Variants in NECTIN3 observed in about 807,000 individuals in gnomAD.
NECTIN3 encodes the protein nectin-3.
NECTIN3 carries 8 observed loss-of-function variants against 49.4 expected under a neutral mutation model. The ratio of observed to expected loss-of-function variants is 0.16; its 90% CI spans 0.10 to 0.29. The LOEUF (loss-of-function observed/expected upper bound fraction) is 0.29. Ranked by LOEUF, NECTIN3 falls within the 10% of genes least tolerant of loss-of-function variation. The probability of loss-of-function intolerance (pLI) is 1.00; values close to 1 mark genes in which losing one functional copy is unlikely to be tolerated. For missense variants in NECTIN3, 581 were observed against 654.6 expected, an observed-to-expected ratio of 0.89 and a Z score of 1.23; for synonymous variants, 277 against 241.1, an observed-to-expected ratio of 1.15 and a Z score of -1.38.
intron 1 of NECTIN3, chr3:111,072,500 T>A (rs2030850473): frequency 6.5e-7 from 1 of 1,535,768 alleles, no homozygotes; most frequent in African/African-American, 1.4e-5. Context: ...GCTCATTCTC[T>A]GGGAACCCTC....
chr3:111,106,943 G>A (rs1332709625), intron 1 of NECTIN3, among the ~76,000 whole-genome samples: 2 of 152,072 alleles, frequency 1.3e-5, no homozygotes, highest in Non-Finnish European at 2.9e-5. Flanking sequence ...GTGAAATGTG[G>A]TAAAAGATAG....
chr3:111,073,994 T>G (rs746066026), intron 1 of NECTIN3, among the ~76,000 whole-genome samples: 3 of 152,280 alleles, frequency 2.0e-5, no homozygotes, highest in Non-Finnish European at 4.4e-5. Context: ...TGTAGGCAAA[T>G]GGACTGTGTT....
At chr3:111,108,396 G>T (rs970379414) in intron 1 of NECTIN3, among the ~76,000 whole-genome samples, 3 of 151,726 alleles carry the variant, frequency 2.0e-5, no homozygotes, top group Admixed American at 6.6e-5. Flanking sequence ...TGAACCAATG[G>T]GTCAGTTCCC....
chr3:111,137,422 T>G lies in NECTIN3; in HGVS notation c.*3207T>G, dbSNP rs2034619623. On this transcript the variant is annotated 3_prime_UTR_variant, in exon 6 of 6. Coordinates refer to ENST00000485303, the MANE Select transcript of NECTIN3 (RefSeq NM_015480.3). ...AGTTTGTACCCGCGCTAAGTTTTGG[T>G]TTTGTTGTGTTTGGTGTTTTTTGTT... is the stretch of plus-strand genomic sequence containing the variant. 1 of 951,692 alleles carries G rather than the reference T, an allele frequency of 1.1e-6. No individual in the cohort carries two copies. Among genetic ancestry groups the G allele is most frequent in the Non-Finnish European group, 1.2e-6 (1 of 800,816 alleles). The allele number at this position is 951,692 out of a possible 1,614,324, so 59.0% of individuals were successfully genotyped here.
intron 7 of NECTIN3, among the ~76,000 whole-genome samples, chr3:111,162,179 A>G (rs537392484): frequency 6.6e-6 from 1 of 152,012 alleles, no homozygotes; most frequent in Admixed American, 6.6e-5. Context: ...GGTTACATAG[A>G]CCTTGAAAAT....
chr3:111,182,218 A>T (rs2035639391), intron 7 of NECTIN3, among the ~76,000 whole-genome samples: 1 of 151,890 alleles, frequency 6.6e-6, no homozygotes, highest in African/African-American at 2.4e-5. Flanking sequence ...CAATCTTTTA[A>T]GTATATTGAG....
At chr3:111,185,135 CT>C (rs1372912880) in intron 7 of NECTIN3, among the ~76,000 whole-genome samples, 2 of 152,122 alleles carry the variant, frequency 1.3e-5, no homozygotes, top group Non-Finnish European at 2.9e-5. Flanking sequence ...ATTTCTGGAG[CT>C]TTTTTTATGT....
chr3:111,130,186 G>A (rs537370118), intron 5 of NECTIN3, among the ~76,000 whole-genome samples: 43 of 151,736 alleles, frequency 2.8e-4, no homozygotes, highest in African/African-American at 8.9e-4. Flanking sequence ...TCGATCTCCT[G>A]ACCTCATGAT....
chr3:111,128,198 A>G (rs2107482908), intron 5 of NECTIN3, among the ~76,000 whole-genome samples: 1 of 151,984 alleles, frequency 6.6e-6, no homozygotes, highest in South Asian at 2.1e-4. Context: ...ATTAGCCGGC[A>G]TGGTGGTATG....
At chr3:111,111,924 TG>T in intron 1 of NECTIN3, 105 bp from the exon 2 acceptor site, 1 of 630,486 alleles carries the variant, frequency 1.6e-6, no homozygotes. Context: ...TGTGTGTGTG[TG>T]TGTGTGTGTA....
At chr3:111,124,744 A>T (rs1042752277) in intron 4 of NECTIN3, among the ~76,000 whole-genome samples, 1 of 152,152 alleles carries the variant, frequency 6.6e-6, no homozygotes, top group African/African-American at 2.4e-5. Flanking sequence ...TCTGTTCTTC[A>T]GTGTTGATTT....
intron 1 of NECTIN3, among the ~76,000 whole-genome samples, chr3:111,105,630 G>T (rs1437450682): frequency 3.3e-5 from 5 of 152,044 alleles, no homozygotes; most frequent in African/African-American, 1.2e-4. Flanking sequence ...AGACAATTGT[G>T]TTTTCTGTGA....
intron 7 of NECTIN3, among the ~76,000 whole-genome samples, chr3:111,178,467 T>C (rs1043158610): frequency 6.6e-6 from 1 of 152,180 alleles, no homozygotes; most frequent in Non-Finnish European, 1.5e-5. Context: ...TTTAAGGCAT[T>C]ATCCTACAAC....
At position 111,128,262 on chromosome 3, in the gene NECTIN3, G is replaced by A. The variant is rs549588216; in HGVS notation, c.1069+1927G>A. 6.6e-5 allele frequency among the ~76,000 whole-genome samples: 10 copies of A among 151,608 alleles called. No homozygotes were observed. In the East Asian group the frequency reaches 7.8e-4, roughly 12 times the overall value. ...TAAGGCAGGAGAATCGCTTGAATCC[G>A]GGAGGCAGAGATTGCAGTGAGCCCA... On this transcript the variant is annotated intron_variant, in intron 5 of 5. Coordinates refer to ENST00000485303, the MANE Select transcript of NECTIN3 (RefSeq NM_015480.3).
At chr3:111,139,990 T>A (rs1559804847), downstream of NECTIN3, among the ~76,000 whole-genome samples, 1 of 151,926 alleles carries the variant, frequency 6.6e-6, no homozygotes, top group Admixed American at 6.6e-5. Flanking sequence ...ACTACATGAT[T>A]AAATGTTCTT....
chr3:111,159,733 C>G lies in NECTIN3; in HGVS notation c.1221+12249C>G, dbSNP rs906440483. 5.3e-5 allele frequency among the ~76,000 whole-genome samples: 8 copies of G among 152,190 alleles called. No individual in the cohort carries two copies. In the South Asian group the frequency reaches 1.7e-3, roughly 31 times the overall value. On this transcript the variant is annotated intron_variant, in intron 7 of 8. Coordinates refer to the NECTIN3 transcript ENST00000493615. ...TTCGATTAACAATTTTACTACCTCA[C>G]AAGACATTATATTTCTTTTTTGGTA...
chr3:111,087,883 A>C (rs2032027093), intron 1 of NECTIN3, among the ~76,000 whole-genome samples: 1 of 151,784 alleles, frequency 6.6e-6, no homozygotes, highest in Non-Finnish European at 1.5e-5. Context: ...TTTTTAGTAG[A>C]GATGGCATTT....
At chr3:111,147,377 C>G (rs2034900384) in intron 6 of NECTIN3, 1 of 1,403,032 alleles carries the variant, frequency 7.1e-7, no homozygotes, top group African/African-American at 1.5e-5. Flanking sequence ...ATGTGACAAT[C>G]ACATATTTTA....
upstream of NECTIN3, among the ~76,000 whole-genome samples, chr3:111,189,839 C>A (rs549548261): frequency 2.6e-5 from 4 of 152,276 alleles, no homozygotes; most frequent in East Asian, 5.8e-4. Context: ...ACATGGCCTC[C>A]AGGCACCTGC....
Sources: gnomAD v4.1 joint callset for allele counts (sites outside exome capture counted in the v4.1 genomes callset) on GRCh38, gnomAD v4.1.1 for gene constraint, MANE v1.5 for transcripts, NCBI Gene and HGNC (gene_info 2026-07-23, HGNC 2026-07-21) for gene names.